Variants in CTBP1 observed in about 807,000 individuals in gnomAD.
The protein encoded by CTBP1 is C-terminal binding protein 1.
Under a neutral mutation model 42.1 loss-of-function variants are expected in CTBP1, and 11 were observed. That is an observed-to-expected ratio of 0.26 (90% confidence interval 0.16 to 0.43). The LOEUF is 0.43. CTBP1 is among the 20% of genes least tolerant of loss of function. The pLI, the probability that CTBP1 is intolerant of heterozygous loss-of-function variation, is 1.00. For missense variants in CTBP1, 399 were observed against 624.3 expected, an observed-to-expected ratio of 0.64 and a Z score of 3.85; for synonymous variants, 324 against 277.1, an observed-to-expected ratio of 1.17 and a Z score of -1.68.
intron 1 of CTBP1, chr4:1,242,404 T>C (rs1171474220): frequency 1.0e-6 from 1 of 985,200 alleles, no homozygotes; most frequent in Non-Finnish European, 1.2e-6. Context: ...ATGGCAGGCG[T>C]GGGCTGAGAC....
In CTBP1 at chr4:1,241,371, C is replaced by A. The variant is rs1174125288; in HGVS notation, c.-40G>T. The A allele has an allele frequency of 9.1e-7, 1 of 1,093,114 alleles. No homozygotes were observed. Among genetic ancestry groups the A allele is most frequent in the Non-Finnish European group, 1.4e-6 (1 of 703,772 alleles). 67.7% of individuals were successfully genotyped at this position (1,093,114 alleles called of 1,614,324 possible). ...TCAGCTTCCACGACCATGAATTCGA[C>A]TTTTCAAAGCTTTTTATCTTCAGGA... On this transcript the variant is annotated 5_prime_UTR_variant, in exon 2 of 10. Coordinates refer to ENST00000382952, the MANE Select transcript of CTBP1 (RefSeq NM_001012614.2).
rs1051817316 is a variant in CTBP1, at chr4:1,239,146, C to T, written c.8-809G>A. Among the ~76,000 whole-genome samples, 3 of 152,252 alleles carry T rather than the reference C, an allele frequency of 2.0e-5. No individual in the cohort carries two copies. The East Asian group carries it at 5.8e-4, about 29-fold the overall frequency. On this transcript the variant is annotated intron_variant, in intron 2 of 9. Coordinates refer to ENST00000382952, the MANE Select transcript of CTBP1 (RefSeq NM_001012614.2). Reference sequence around the variant, plus strand: ...ACCAGATGATTAAAGCTCATTAACACCCATTCCTTTCGCGTATGACGCAAC... The same window carrying T: ...ACCAGATGATTAAAGCTCATTAACATCCATTCCTTTCGCGTATGACGCAAC...
intron 6 of CTBP1, 28 bp downstream of exon 6, chr4:1,215,963 A>G (rs771096968): frequency 6.3e-7 from 1 of 1,585,722 alleles, no homozygotes; most frequent in Non-Finnish European, 8.6e-7. Context: ...CCGCAGAAGT[A>G]GAGTCCTGTG....
chr4:1,244,273 C>G (rs1363608074), intron 1 of CTBP1: 1 of 984,408 alleles, frequency 1.0e-6, no homozygotes, highest in Non-Finnish European at 1.2e-6. Flanking sequence ...TGGAGAGGGA[C>G]CGGGTTGCCC....
rs1728551035 is a variant in CTBP1, at chr4:1,211,606, A to ATGGGCAGCGGGCACGC, written c.*618_*633dup. ...CTCCACGTCCCCAGGACAGACGTCG[A>ATGGGCAGCGGGCACGC]TGGGCAGCGGGCACGCTGGGCACCG... On this transcript the variant is annotated 3_prime_UTR_variant, in exon 10 of 10. Coordinates refer to ENST00000382952, the MANE Select transcript of CTBP1 (RefSeq NM_001012614.2). The ATGGGCAGCGGGCACGC allele has an allele frequency of 2.0e-5, 3 of 152,394 alleles. No homozygotes were observed. Among genetic ancestry groups the ATGGGCAGCGGGCACGC allele is most frequent in the African/African-American group, 7.2e-5 (3 of 41,442 alleles). 9.4% of individuals were successfully genotyped at this position (152,394 alleles called of 1,614,324 possible).
At chr4:1,228,442 C>G in intron 3 of CTBP1, 99 bp from the exon 4 acceptor site, 1 of 1,432,062 alleles carries the variant, frequency 7.0e-7, no homozygotes, top group Non-Finnish European at 9.5e-7. Context: ...TAGCCTGTGG[C>G]CCTCAGGCTT....
chr4:1,244,127 A>C (rs926315023), intron 1 of CTBP1: 50 of 985,216 alleles, frequency 5.1e-5, no homozygotes, highest in Non-Finnish European at 5.8e-5. Flanking sequence ...ATGACCCCAG[A>C]GCCTCCTGGC....
chr4:1,246,093 T>C (rs891089162), intron 1 of CTBP1, among the ~76,000 whole-genome samples: 1 of 152,172 alleles, frequency 6.6e-6, no homozygotes, highest in Non-Finnish European at 1.5e-5. Context: ...GAGGGGCTTC[T>C]GGAAACGATG....
intron 2 of CTBP1, among the ~76,000 whole-genome samples, chr4:1,240,344 G>C (rs35456610): frequency 2.7e-5 from 3 of 111,772 alleles, no homozygotes; most frequent in Admixed American, 8.4e-5. Flanking sequence ...TCGGAACCGC[G>C]TGGGGGACTC....
intron 3 of CTBP1, among the ~76,000 whole-genome samples, chr4:1,230,257 A>G (rs949520302): frequency 2.0e-5 from 3 of 152,188 alleles, no homozygotes; most frequent in African/African-American, 7.2e-5. Context: ...GGCAGAGGCC[A>G]GCAGTGGGCG....
At chr4:1,229,189 T>A (rs560369204) in intron 3 of CTBP1, among the ~76,000 whole-genome samples, 24 of 152,162 alleles carry the variant, frequency 1.6e-4, no homozygotes, top group African/African-American at 5.1e-4. Flanking sequence ...CAGTGTGGGG[T>A]GCAGAGGCAC....
At chr4:1,231,385 C>T (rs971631240) in intron 3 of CTBP1, among the ~76,000 whole-genome samples, 2 of 152,234 alleles carry the variant, frequency 1.3e-5, no homozygotes, top group African/African-American at 2.4e-5. Context: ...AGCCAACACC[C>T]ACTGATGTGT....
intron 1 of CTBP1, chr4:1,241,729 G>A (rs1732198053): frequency 1.7e-6 from 2 of 1,206,660 alleles, no homozygotes; most frequent in South Asian, 1.6e-5. Context: ...TGAGGTTGCA[G>A]TGCCAGGCCC....
At chr4:1,236,454 C>T (rs1017408341) in intron 3 of CTBP1, 21 of 578,444 alleles carry the variant, frequency 3.6e-5, no homozygotes, top group Non-Finnish European at 5.9e-5. Context: ...ACTCCACCCC[C>T]GCCACAAAAG....
At chr4:1,223,069 G>C in intron 5 of CTBP1, among the ~76,000 whole-genome samples, 1 of 62,972 alleles carries the variant, frequency 1.6e-5, no homozygotes, top group East Asian at 4.8e-4. Context: ...TGGAGACAGC[G>C]GAGGCACCGC....
chr4:1,215,643 C>G, intron 6 of CTBP1: 1 of 350,038 alleles, frequency 2.9e-6, no homozygotes, highest in Non-Finnish European at 5.3e-6. Flanking sequence ...GATGTGAAAC[C>G]TGAACCTGGC....
intron 5 of CTBP1, among the ~76,000 whole-genome samples, chr4:1,220,101 C>T (rs1729567978): frequency 6.6e-6 from 1 of 151,412 alleles, no homozygotes; most frequent in African/African-American, 2.4e-5. Context: ...ACTCAGGAGG[C>T]TGAGGCAGGA....
At chr4:1,222,542 C>A (rs1344159732) in intron 5 of CTBP1, among the ~76,000 whole-genome samples, 3 of 152,170 alleles carry the variant, frequency 2.0e-5, no homozygotes, top group Non-Finnish European at 2.9e-5. Context: ...CTGCCAGGTC[C>A]ACCCTGCACT....
At position 1,215,187 on chromosome 4, in the gene CTBP1, C is replaced by A. The variant is rs192202713; in HGVS notation, c.730-714G>T. Among the ~76,000 whole-genome samples, 7 of 152,364 alleles carry A rather than the reference C, an allele frequency of 4.6e-5. No individual in the cohort carries two copies. In the East Asian group the frequency reaches 1.2e-3, roughly 25 times the overall value. On this transcript the variant is annotated intron_variant, in intron 6 of 9. Coordinates refer to ENST00000382952, the MANE Select transcript of CTBP1 (RefSeq NM_001012614.2). The stretch of plus-strand genomic sequence containing the variant: ...CCAGCATCCACGTGCCACACCCTGT[C>A]CCCTAGAAGGCTCCAAACCCACTGA...
Sources: gnomAD v4.1 joint callset for allele counts (sites outside exome capture counted in the v4.1 genomes callset) on GRCh38, gnomAD v4.1.1 for gene constraint, MANE v1.5 for transcripts, NCBI Gene and HGNC (gene_info 2026-07-23, HGNC 2026-07-21) for gene names.